The following MAJIN variants were observed in gnomAD, a reference collection of about 807,000 sequenced individuals.
MAJIN encodes the protein membrane anchored junction protein.
Under a neutral mutation model 30.2 loss-of-function variants are expected in MAJIN, and 27 were observed. That is an observed-to-expected ratio of 0.89 (90% CI 0.66 to 1.23). The LOEUF (loss-of-function observed/expected upper bound fraction) is 1.23, where lower values mean the gene tolerates loss of function less well. Among genes scored for constraint, MAJIN ranks in the 50% most tolerant of loss-of-function variants. The pLI is 0.00. For synonymous variants in MAJIN, 78 were observed against 91.6 expected (o/e 0.85, Z 0.85); for missense variants, 253 against 260.3 (o/e 0.97, Z 0.19).
intron 1 of MAJIN, among the ~76,000 whole-genome samples, chr11:64,971,524 G>A (rs1945905783): frequency 6.6e-6 from 1 of 151,920 alleles, no homozygotes; most frequent in Admixed American, 6.6e-5. Context: ...GTGGGGAAAG[G>A]GCAGTCTCTG....
At chr11:64,948,760 G>C (rs1405511794) in intron 6 of MAJIN, among the ~76,000 whole-genome samples, 1 of 138,040 alleles carries the variant, frequency 7.2e-6, no homozygotes, top group East Asian at 2.3e-4. Flanking sequence ...GGGTTCAAGC[G>C]ATTCTTCTGT....
Position 64,946,786 on chromosome 11 carries a change from A to G in MAJIN, c.473+588T>C, listed in dbSNP as rs377489399. On this transcript the variant is annotated intron_variant, in intron 8 of 10. Transcript: ENST00000301896. ...AATGACTGAATTGTCTTACTGACTC[A>G]TTTTGTTCCTGATAGAGAATTGAAA... Among the ~76,000 whole-genome samples, 41 of 152,084 alleles carry G rather than the reference A, an allele frequency of 2.7e-4. 2 individuals carry two copies. The highest frequency in any genetic ancestry group is 1.9e-3 in the East Asian group (10 of 5,192).
In MAJIN at chr11:64,949,787, G is replaced by C. The variant is rs143943051; in HGVS notation, c.305C>G (p.Thr102Ser). 3.4e-4 allele frequency: 549 copies of C among 1,612,520 alleles called. 1 individual carries two copies. Among genetic ancestry groups the C allele is most frequent in the Admixed American group, 3.7e-4 (22 of 60,002 alleles). The change falls in exon 6 of 11, where the codon ACT becomes AGT. Residue 102 changes from threonine (T) to serine (S), a missense_variant. By Grantham distance (58) the Thr-to-Ser change is moderately conservative (BLOSUM62 1). Coordinates refer to ENST00000301896, the MANE Select transcript of MAJIN (RefSeq NM_001037225.3). The stretch of plus-strand genomic sequence containing the variant: ...GAACCATTTCATCTCCACATATAGA[G>C]TAAAAACAAATGGGTAGGGGATCAA... ...IILIPYPFVF[T>S]LYVEMKWFHE...
At position 64,945,250 on chromosome 11, in the gene MAJIN, C is replaced by T. The variant is rs541941133; in HGVS notation, c.473+2124G>A. On this transcript the variant is annotated intron_variant, in intron 8 of 10. Transcript: ENST00000301896. Reference sequence around the variant, plus strand: ...GCACACGCCTGTAGTCCCAGCTACTCGGGAGGCTGAGGCAGGAGAATGGCG... The same window carrying T: ...GCACACGCCTGTAGTCCCAGCTACTTGGGAGGCTGAGGCAGGAGAATGGCG... 7.8e-4 allele frequency among the ~76,000 whole-genome samples: 118 copies of T among 151,970 alleles called. 1 individual carries two copies. In the South Asian group the frequency reaches 0.022, roughly 28 times the overall value.
At chr11:64,962,040 G>A (rs185044830) in intron 1 of MAJIN, among the ~76,000 whole-genome samples, 29 of 152,174 alleles carry the variant, frequency 1.9e-4, no homozygotes, top group Admixed American at 1.6e-3. Flanking sequence ...TCCTGCCTTG[G>A]CCTCCCAAAG....
At chr11:64,957,607 T>C (rs1945656536) in intron 3 of MAJIN, among the ~76,000 whole-genome samples, 1 of 152,056 alleles carries the variant, frequency 6.6e-6, no homozygotes, top group Non-Finnish European at 1.5e-5. Context: ...TTTCACCATG[T>C]TGACCAGGCT....
intron 4 of MAJIN, among the ~76,000 whole-genome samples, chr11:64,951,265 T>G (rs1157721514): frequency 1.3e-5 from 2 of 152,262 alleles, no homozygotes; most frequent in Non-Finnish European, 2.9e-5. Context: ...TACAGTATTT[T>G]GCTTTTGTTT....
chr11:64,939,554 A>C, intron 10 of MAJIN, 108 bp downstream of exon 10: 1 of 917,730 alleles, frequency 1.1e-6, no homozygotes, highest in Admixed American at 2.4e-5. Flanking sequence ...ATAAGTGAGA[A>C]GCCTCTGTAA....
chr11:64,942,482 T>C (rs1025191456), intron 8 of MAJIN, among the ~76,000 whole-genome samples: 3 of 152,082 alleles, frequency 2.0e-5, no homozygotes, highest in African/African-American at 7.2e-5. Flanking sequence ...TTCTTAAGCC[T>C]TTGCGTCCTC....
chr11:64,938,255 C>T lies in MAJIN; in HGVS notation c.*320G>A. ...TAACTCTTCATAAATAATTTATTGTCATTAGGATCCTAAGTGCCGAAGACA... is the reference window on the plus strand; with the variant it reads ...TAACTCTTCATAAATAATTTATTGTTATTAGGATCCTAAGTGCCGAAGACA... On this transcript the variant is annotated 3_prime_UTR_variant, in exon 11 of 11. Coordinates refer to ENST00000301896, the MANE Select transcript of MAJIN (RefSeq NM_001037225.3). 2.5e-6 allele frequency: 1 copy of T among 399,548 alleles called. No individual in the cohort carries two copies. The highest frequency in any genetic ancestry group is 4.6e-6 in the Non-Finnish European group (1 of 215,560). 24.8% of individuals were successfully genotyped at this position (399,548 alleles called of 1,614,324 possible).
chr11:64,941,775 G>A (rs149077372), intron 8 of MAJIN, among the ~76,000 whole-genome samples: 58 of 152,330 alleles, frequency 3.8e-4, no homozygotes, highest in Middle Eastern at 6.8e-3. Context: ...CTTCACAGGG[G>A]AAGTGATATT....
chr11:64,953,155 G>A (rs1011980804), intron 4 of MAJIN, among the ~76,000 whole-genome samples: 2 of 152,174 alleles, frequency 1.3e-5, no homozygotes, highest in African/African-American at 4.8e-5. Flanking sequence ...TAATTATTGA[G>A]CTACTGTGTG....
intron 1 of MAJIN, among the ~76,000 whole-genome samples, chr11:64,971,451 C>A (rs1175603334): frequency 1.5e-5 from 2 of 137,430 alleles, no homozygotes; most frequent in African/African-American, 5.5e-5. Context: ...AAAAAAAGGA[C>A]GGAGGAAGTT....
chr11:64,965,813 A>G lies in MAJIN; in HGVS notation c.-64-5678T>C, dbSNP rs377644816. 2.0e-5 allele frequency among the ~76,000 whole-genome samples: 3 copies of G among 152,142 alleles called. No individual in the cohort carries two copies. In the East Asian group the frequency reaches 5.8e-4, roughly 29 times the overall value. Reference sequence around the variant, plus strand: ...CTACTAAAAATACAAAAAATTAGCCAGGCGTGGTGGCAGGCGCCTGTAGTC... The same window carrying G: ...CTACTAAAAATACAAAAAATTAGCCGGGCGTGGTGGCAGGCGCCTGTAGTC... On this transcript the variant is annotated intron_variant, in intron 1 of 10. Transcript: ENST00000301896.
chr11:64,957,588 G>A (rs893394275), intron 3 of MAJIN, among the ~76,000 whole-genome samples: 6 of 151,808 alleles, frequency 4.0e-5, no homozygotes, highest in African/African-American at 1.2e-4. Flanking sequence ...ATTTTTAGTA[G>A]AGACAGGGTT....
At chr11:64,953,515 G>A (rs768101352) in intron 4 of MAJIN, among the ~76,000 whole-genome samples, 10 of 152,170 alleles carry the variant, frequency 6.6e-5, no homozygotes, top group South Asian at 2.1e-4. Flanking sequence ...TAGAATGGCC[G>A]GGTGCAGTGG....
At chr11:64,938,992 C>T (rs941000203) in intron 10 of MAJIN, among the ~76,000 whole-genome samples, 6 of 152,170 alleles carry the variant, frequency 3.9e-5, no homozygotes, top group Admixed American at 1.3e-4. Context: ...TGCAATGGCA[C>T]GATCTCAGCT....
Position 64,939,711 on chromosome 11 carries a change from A to G in MAJIN, c.603T>C (p.Thr201=). The G allele has an allele frequency of 2.5e-6, 4 of 1,614,134 alleles. No individual in the cohort carries two copies. Among genetic ancestry groups the G allele is most frequent in the Non-Finnish European group, 3.4e-6 (4 of 1,180,004 alleles). ...QGELSHPCST[T]HLHLRSEQPP... Reference sequence around the variant, plus strand: ...GCTGCTCGCTCCTTAGGTGGAGGTGAGTTGTGCTGCAGGGGTGGGACAATT... The same window carrying G: ...GCTGCTCGCTCCTTAGGTGGAGGTGGGTTGTGCTGCAGGGGTGGGACAATT... The change falls in exon 10 of 11, where the codon ACT becomes ACC. Residue 201 remains threonine (T), a synonymous_variant. Transcript: ENST00000301896.
intron 4 of MAJIN, 159 bp downstream of exon 4, chr11:64,954,598 T>C: frequency 1.3e-6 from 1 of 745,808 alleles, no homozygotes; most frequent in Non-Finnish European, 2.4e-6. Flanking sequence ...TAAATTCCCA[T>C]GGAAAAACAT....
Sources: gnomAD v4.1 joint callset for allele counts (sites outside exome capture counted in the v4.1 genomes callset) on GRCh38, gnomAD v4.1.1 for gene constraint, MANE v1.5 for transcripts, NCBI Gene and HGNC (gene_info 2026-07-23, HGNC 2026-07-21) for gene names.